The following PALM2AKAP2 variants were observed in gnomAD, a reference collection of about 807,000 sequenced individuals.
The protein encoded by PALM2AKAP2 is PALM2-AKAP2 fusion protein.
PALM2AKAP2 carries 37 observed loss-of-function variants against 71.5 expected under a neutral mutation model. The observed-to-expected ratio is 0.52, with a 90% CI of 0.40 to 0.68. PALM2AKAP2 has a LOEUF of 0.68. Ranked by LOEUF, PALM2AKAP2 falls within the 30% of genes least tolerant of loss-of-function variation. The probability of loss-of-function intolerance (pLI) is 0.00; values close to 1 mark genes in which losing one functional copy is unlikely to be tolerated. For synonymous variants in PALM2AKAP2, 468 were observed against 478.8 expected (o/e 0.98, Z 0.29); for missense variants, 1,224 against 1,191.8 (o/e 1.03, Z -0.40).
At chr9:110,004,486 G>A (rs1832741355) in intron 6 of PALM2AKAP2, among the ~76,000 whole-genome samples, 1 of 152,058 alleles carries the variant, frequency 6.6e-6, no homozygotes, top group African/African-American at 2.4e-5. Flanking sequence ...TTCAACTTTG[G>A]TGAATCTGAC....
intron 3 of PALM2AKAP2, among the ~76,000 whole-genome samples, chr9:109,915,983 G>A (rs139243329): frequency 6.6e-6 from 1 of 151,478 alleles, no homozygotes; most frequent in Non-Finnish European, 1.5e-5. Context: ...TTGCACTGTC[G>A]CCCAGGCTAG....
intron 1 of PALM2AKAP2, among the ~76,000 whole-genome samples, chr9:109,766,173 T>C (rs16914498): frequency 0.025 from 3,810 of 152,310 alleles, 149 homozygotes; most frequent in African/African-American, 0.084. Context: ...GCTCTTTATA[T>C]TGTGGAGCTC....
rs115402738 is a variant in PALM2AKAP2 at position 109,954,410 on chromosome 9, G to A, written c.496+22382G>A. Among the ~76,000 whole-genome samples the A allele has an allele frequency of 2.9e-3, 430 of 149,542 alleles. 1 individual carries two copies. The highest frequency in any genetic ancestry group is 0.01 in the African/African-American group (422 of 40,762). On this transcript the variant is annotated intron_variant, in intron 6 of 9. Transcript: ENST00000302798. The stretch of plus-strand genomic sequence containing the variant: ...GCTTCTGTCCTGCTTTTCTCAAACA[G>A]TATTAAATCTTGCATTTTATCAACA...
At chr9:109,930,099 A>G (rs1436182741) in intron 5 of PALM2AKAP2, among the ~76,000 whole-genome samples, 1 of 152,128 alleles carries the variant, frequency 6.6e-6, no homozygotes, top group South Asian at 2.1e-4. Flanking sequence ...TGCCTTATCC[A>G]GGATCCAAGC....
chr9:109,978,000 G>A (rs1449671860), intron 6 of PALM2AKAP2, among the ~76,000 whole-genome samples: 3 of 152,188 alleles, frequency 2.0e-5, no homozygotes, highest in Non-Finnish European at 4.4e-5. Context: ...GTGGGACAGG[G>A]CTTGTAGAAG....
chr9:109,975,722 ACT>A (rs1715220759), intron 6 of PALM2AKAP2, among the ~76,000 whole-genome samples: 1 of 152,090 alleles, frequency 6.6e-6, no homozygotes, highest in African/African-American at 2.4e-5. Context: ...AAGCAAACTG[ACT>A]CAGCCCGAGG....
intron 6 of PALM2AKAP2, among the ~76,000 whole-genome samples, chr9:109,956,045 C>T (rs1831740933): frequency 6.6e-6 from 1 of 150,692 alleles, no homozygotes. Context: ...CACTCTGTCA[C>T]CCAGGCTAGA....
chr9:110,105,180 T>C (rs758046445), intron 1 of PALM2AKAP2, among the ~76,000 whole-genome samples: 1 of 152,188 alleles, frequency 6.6e-6, no homozygotes, highest in Non-Finnish European at 1.5e-5. Flanking sequence ...GCCAAATAAA[T>C]CAGAAGCTCA....
exon 2 of PALM2AKAP2, chr9:110,136,608 C>T (rs1204487280): frequency 1.2e-6 from 2 of 1,613,972 alleles, no homozygotes; most frequent in Non-Finnish European, 1.7e-6. Flanking sequence ...AGCCCTGACC[C>T]CATGGCAGAG....
Position 109,854,936 on chromosome 9 carries a change from A to G in PALM2AKAP2, c.46-12555A>G, listed in dbSNP as rs191105859. Among the ~76,000 whole-genome samples the G allele has an allele frequency of 1.3e-4, 19 of 151,488 alleles. 1 individual carries two copies. In the East Asian group the frequency reaches 3.7e-3, roughly 30 times the overall value. On this transcript the variant is annotated intron_variant, in intron 1 of 9. Coordinates refer to the PALM2AKAP2 transcript ENST00000302798. ...CAGGTGTGTGCCACCACGCCTGGCT[A>G]ATTTTTTGCATTTTAGTAGGGACAG...
At chr9:109,824,152 G>A (rs916896125) in intron 1 of PALM2AKAP2, among the ~76,000 whole-genome samples, 2 of 152,172 alleles carry the variant, frequency 1.3e-5, no homozygotes, top group Non-Finnish European at 2.9e-5. Context: ...GCCTCCCAAA[G>A]CCCTAGGATT....
intron 3 of PALM2AKAP2, among the ~76,000 whole-genome samples, chr9:109,921,496 G>T (rs1214383467): frequency 1.3e-5 from 2 of 152,214 alleles, no homozygotes; most frequent in Admixed American, 6.5e-5. Context: ...GATCACCTCA[G>T]TTGAGAGCCA....
intron 6 of PALM2AKAP2, among the ~76,000 whole-genome samples, chr9:109,990,067 C>CTTTTTTTTT (rs35739397): frequency 4.5e-4 from 61 of 134,114 alleles, no homozygotes; most frequent in Non-Finnish European, 5.3e-4. Context: ...TTCTTTCTTT[C>CTTTTTTTTT]TTTTTTTTTT....
chr9:109,864,944 T>C (rs1038213451), intron 1 of PALM2AKAP2, among the ~76,000 whole-genome samples: 5 of 152,148 alleles, frequency 3.3e-5, no homozygotes, highest in African/African-American at 4.8e-5. Context: ...TGTTGAGTCA[T>C]TGATCTCTGT....
At chr9:109,702,317 C>T (rs1828073638) in intron 1 of PALM2AKAP2, among the ~76,000 whole-genome samples, 1 of 152,132 alleles carries the variant, frequency 6.6e-6, no homozygotes, top group Admixed American at 6.5e-5. Flanking sequence ...GCACTATTCA[C>T]AATAGCAAAG....
At chr9:110,139,740 C>A (rs796194593) in intron 2 of PALM2AKAP2, among the ~76,000 whole-genome samples, 18 of 152,264 alleles carry the variant, frequency 1.2e-4, no homozygotes, top group African/African-American at 4.1e-4. Flanking sequence ...AGAAAAGTTC[C>A]CAAGTACAGT....
intron 1 of PALM2AKAP2, among the ~76,000 whole-genome samples, chr9:109,820,184 G>C (rs1038304782): frequency 2.0e-5 from 3 of 152,182 alleles, no homozygotes; most frequent in Non-Finnish European, 4.4e-5. Context: ...AATTAAGTTA[G>C]TCAGACTTAG....
chr9:109,874,941 A>G (rs1409631187), intron 2 of PALM2AKAP2, among the ~76,000 whole-genome samples: 3 of 152,146 alleles, frequency 2.0e-5, no homozygotes, highest in African/African-American at 7.2e-5. Flanking sequence ...ATTCTCTGTC[A>G]CTTGAACCAT....
intron 1 of PALM2AKAP2, among the ~76,000 whole-genome samples, chr9:109,862,475 C>A (rs1279229899): frequency 2.7e-5 from 4 of 150,890 alleles, no homozygotes; most frequent in African/African-American, 9.7e-5. Context: ...TACATCATCT[C>A]AGCTTAATCC....
Sources: allele counts gnomAD v4.1 joint callset (sites outside exome capture counted in the v4.1 genomes callset), GRCh38; gene constraint gnomAD v4.1.1; transcripts MANE v1.5; gene names NCBI Gene and HGNC (gene_info 2026-07-23, HGNC 2026-07-21).